DHX35: variants seen among roughly 807,000 people sequenced by gnomAD.
DHX35 encodes probable ATP-dependent RNA helicase DHX35.
DHX35 carries 84 observed loss-of-function variants against 99.6 expected under a neutral mutation model. The observed-to-expected ratio is 0.84, with a 90% confidence interval of 0.71 to 1.01. The LOEUF (loss-of-function observed/expected upper bound fraction) is 1.01. Among genes scored for constraint, DHX35 ranks in the 50% least tolerant of loss-of-function variants. The probability of loss-of-function intolerance (pLI) is 0.00; values close to 1 mark genes in which losing one functional copy is unlikely to be tolerated. For missense variants in DHX35, 852 were observed against 888.5 expected, an observed-to-expected ratio of 0.96 and a Z score of 0.52; for synonymous variants, 331 against 316.2, an observed-to-expected ratio of 1.05 and a Z score of -0.50.
chr20:38,983,556 A>G, intron 3 of DHX35, 143 bp from the exon 4 acceptor site: 1 of 607,538 alleles, frequency 1.6e-6, no homozygotes, highest in Non-Finnish European at 2.9e-6. Flanking sequence ...CTCCATCTGT[A>G]AAATAATTCC....
intron 1 of DHX35, among the ~76,000 whole-genome samples, chr20:38,966,343 G>T (rs1315126188): frequency 6.6e-6 from 1 of 152,210 alleles, no homozygotes; most frequent in South Asian, 2.1e-4. Context: ...TGAGGAGAAG[G>T]TATACTGTTT....
chr20:39,002,453 T>A lies in DHX35; in HGVS notation c.756-319T>A, dbSNP rs1006868265. Among the ~76,000 whole-genome samples, 5 of 152,342 alleles carry A rather than the reference T, an allele frequency of 3.3e-5. No homozygotes were observed. The South Asian group carries it at 1.0e-3, about 32-fold the overall frequency. On this transcript the variant is annotated intron_variant, in intron 9 of 21. Coordinates refer to ENST00000252011, the MANE Select transcript of DHX35 (RefSeq NM_021931.4). ...AAAATGGGCTGGGAAGAGCGTGGGC[T>A]TCAGCACTGGGACCACAGCTTCCGA...
rs915346822 is a variant in DHX35, at chr20:38,970,184, AAGT to A, written c.174+971_174+973del. ...GCAGTTCTCCTGCCTCGGCCTCCCA[AAGT>A]GCTGGGATTACAGGTGTGAGCAGCC... On this transcript the variant is annotated intron_variant, in intron 2 of 21. Coordinates refer to ENST00000252011, the MANE Select transcript of DHX35 (RefSeq NM_021931.4). 4.6e-5 allele frequency among the ~76,000 whole-genome samples: 7 copies of A among 152,152 alleles called. No individual in the cohort carries two copies. In the East Asian group the frequency reaches 9.6e-4, roughly 21 times the overall value.
chr20:39,001,714 A>G lies in DHX35; in HGVS notation c.643-16A>G. ...TTTTTCTAAGAGAAATGAAGAATTA[A>G]TTTTTTTCTTTTTAGAAATTCCGGG... On this transcript the variant is annotated splice_polypyrimidine_tract_variant and intron_variant, in intron 8 of 21. Transcript: ENST00000252011. 3 of 1,578,254 alleles carry G rather than the reference A, an allele frequency of 1.9e-6. No homozygotes were observed. The highest frequency in any genetic ancestry group is 1.4e-5 in the African/African-American group (1 of 73,738).
rs557855143 is a variant in DHX35, at chr20:39,032,315, G to T, written c.1955+1540G>T. On this transcript the variant is annotated intron_variant, in intron 20 of 21. Transcript: ENST00000252011. ...GCCTCCTGAGTAGCTGGGATTACAG[G>T]TGCATGCAACCATGCCCAGCTAATT... Among the ~76,000 whole-genome samples, 3 of 152,292 alleles carry T rather than the reference G, an allele frequency of 2.0e-5. No homozygotes were observed. In the South Asian group the frequency reaches 6.2e-4, roughly 32 times the overall value.
rs761090604 is a variant in DHX35, at chr20:39,003,739, A to G, written c.853-10A>G. On this transcript the variant is annotated splice_polypyrimidine_tract_variant and intron_variant, in intron 10 of 21. Coordinates refer to ENST00000252011, the MANE Select transcript of DHX35 (RefSeq NM_021931.4). ...CTCGGTTTCTTTGGTTCCTGGTTCA[A>G]CGTCTTTAGGAAGAGGTAGAAACTG... 2.5e-6 allele frequency: 4 copies of G among 1,601,496 alleles called. No individual in the cohort carries two copies. The highest frequency in any genetic ancestry group is 3.4e-6 in the Non-Finnish European group (4 of 1,169,828).
intron 3 of DHX35, among the ~76,000 whole-genome samples, chr20:38,979,144 T>TC (rs2086130506): frequency 6.6e-6 from 1 of 152,328 alleles, no homozygotes; most frequent in East Asian, 1.9e-4. Flanking sequence ...GTCTTTTTTT[T>TC]CACATAATGT....
intron 1 of DHX35, among the ~76,000 whole-genome samples, chr20:38,963,516 A>G (rs1443307857): frequency 1.3e-5 from 2 of 152,252 alleles, no homozygotes; most frequent in Non-Finnish European, 2.9e-5. Flanking sequence ...TCATCAGCCA[A>G]TTATCCATCC....
Position 38,992,395 on chromosome 20 carries a change from C to T in DHX35, c.552C>T (p.Tyr184=). The change falls in exon 7 of 22, where the codon TAC becomes TAT. Residue 184 remains tyrosine, a synonymous_variant. Transcript: ENST00000252011. ...ATGAAGCCCACGAGAGGACCTTGTACACTGACATTGCCATTGGCTTGCTAA... is the reference window on the plus strand; with the variant it reads ...ATGAAGCCCACGAGAGGACCTTGTATACTGACATTGCCATTGGCTTGCTAA... ...MLDEAHERTL[Y]TDIAIGLLKK... 4 of 1,614,074 alleles carry T rather than the reference C, an allele frequency of 2.5e-6. No individual in the cohort carries two copies. The highest frequency in any genetic ancestry group is 2.5e-6 in the Non-Finnish European group (3 of 1,179,960).
chr20:38,970,252 C>G (rs1163185287), intron 2 of DHX35, among the ~76,000 whole-genome samples: 1 of 152,180 alleles, frequency 6.6e-6, no homozygotes, highest in Non-Finnish European at 1.5e-5. Flanking sequence ...GTTCTTTTGA[C>G]TAGACTGTGC....
At chr20:39,027,023 G>A (rs1393806356) in intron 18 of DHX35, among the ~76,000 whole-genome samples, 1 of 152,206 alleles carries the variant, frequency 6.6e-6, no homozygotes, top group Non-Finnish European at 1.5e-5. Flanking sequence ...TTGTAGGGTA[G>A]GATTGAGCTT....
chr20:38,972,845 C>A (rs1434333484), intron 3 of DHX35, among the ~76,000 whole-genome samples, 194 bp downstream of exon 3: 2 of 152,078 alleles, frequency 1.3e-5, no homozygotes, highest in African/African-American at 4.8e-5. Flanking sequence ...AGTTTGTCTT[C>A]GATTTATTAT....
chr20:39,020,656 C>CTTT (rs57246257), intron 15 of DHX35, among the ~76,000 whole-genome samples: 11 of 105,208 alleles, frequency 1.0e-4, no homozygotes, highest in African/African-American at 1.1e-4. Flanking sequence ...AAACAGGATT[C>CTTT]TTTTTTTTTT....
chr20:38,986,050 A>G (rs144632731), intron 4 of DHX35, among the ~76,000 whole-genome samples: 2 of 152,296 alleles, frequency 1.3e-5, no homozygotes, highest in East Asian at 3.9e-4. Flanking sequence ...AATAAGCTCT[A>G]ACACCTGTCT....
chr20:39,027,664 C>T (rs532655403), intron 18 of DHX35, among the ~76,000 whole-genome samples: 1 of 152,172 alleles, frequency 6.6e-6, no homozygotes, highest in Admixed American at 6.5e-5. Flanking sequence ...ATCTAAGATA[C>T]CATCATGTGT....
chr20:38,975,270 T>A (rs1194735391), intron 3 of DHX35, among the ~76,000 whole-genome samples: 2 of 152,148 alleles, frequency 1.3e-5, no homozygotes, highest in Non-Finnish European at 2.9e-5. Context: ...AATGGTGGCC[T>A]GGAGGAAAAA....
At chr20:38,971,994 G>GTTTTT (rs1568714388) in intron 2 of DHX35, among the ~76,000 whole-genome samples, 24 of 112,054 alleles carry the variant, frequency 2.1e-4, no homozygotes, top group Non-Finnish European at 3.8e-4. Context: ...TGTTTTTTTT[G>GTTTTT]TTTTGTTTTG....
chr20:39,028,643 G>T, intron 19 of DHX35, 144 bp downstream of exon 19: 1 of 890,432 alleles, frequency 1.1e-6, no homozygotes, highest in East Asian at 2.6e-5. Flanking sequence ...GTTGAGGTTA[G>T]CGACATAGCT....
At chr20:38,996,913 C>T (rs2086438426) in intron 8 of DHX35, among the ~76,000 whole-genome samples, 1 of 152,230 alleles carries the variant, frequency 6.6e-6, no homozygotes, top group African/African-American at 2.4e-5. Flanking sequence ...GTTAGCTCCT[C>T]TGTGGCTACA....
Sources: gnomAD v4.1 joint callset for allele counts (sites outside exome capture counted in the v4.1 genomes callset) on GRCh38, gnomAD v4.1.1 for gene constraint, MANE v1.5 for transcripts, NCBI Gene and HGNC (gene_info 2026-07-23, HGNC 2026-07-21) for gene names.